SNTG2: variants seen among roughly 807,000 people sequenced by gnomAD.
SNTG2 encodes gamma-2-syntrophin.
A neutral mutation model predicts 70.9 loss-of-function variants in SNTG2; 74 were observed. That is an observed-to-expected ratio of 1.04 (90% confidence interval 0.86 to 1.27). The LOEUF is 1.27. Among genes scored for constraint, SNTG2 ranks in the 50% most tolerant of loss-of-function variants. The pLI is 0.00. For synonymous variants in SNTG2, 278 were observed against 273.8 expected, an observed-to-expected ratio of 1.02 and a Z score of -0.15; for missense variants, 717 against 690.7, an observed-to-expected ratio of 1.04 and a Z score of -0.43.
At chr2:1,330,162 A>C (rs1289985227) in intron 16 of SNTG2, among the ~76,000 whole-genome samples, 1 of 152,210 alleles carries the variant, frequency 6.6e-6, no homozygotes, top group Non-Finnish European at 1.5e-5. Flanking sequence ...TCAGCTCAAC[A>C]ATTCTCAGTG....
chr2:1,223,451 T>C (rs575970833), intron 9 of SNTG2, among the ~76,000 whole-genome samples: 1 of 151,968 alleles, frequency 6.6e-6, no homozygotes, highest in East Asian at 1.9e-4. Context: ...ACTGATCTTG[T>C]GTCTCTGCCA....
chr2:1,007,623 T>TA (rs113164134), intron 1 of SNTG2, among the ~76,000 whole-genome samples: 13,672 of 152,214 alleles, frequency 0.09, 814 homozygotes, highest in South Asian at 0.21. Context: ...CTGCTTCTCT[T>TA]AAACGATTTC....
chr2:1,197,554 T>TAC (rs60947657), intron 8 of SNTG2, among the ~76,000 whole-genome samples: 1 of 149,784 alleles, frequency 6.7e-6, no homozygotes, highest in Non-Finnish European at 1.5e-5. Flanking sequence ...TGTGTGTATA[T>TAC]TTGATACAGG....
chr2:989,498 G>A (rs957788341), intron 1 of SNTG2, among the ~76,000 whole-genome samples: 5 of 152,166 alleles, frequency 3.3e-5, no homozygotes, highest in African/African-American at 2.4e-5. Flanking sequence ...CTGATATGGT[G>A]TATCACATTG....
At chr2:1,365,967 C>T (rs1421736004) in intron 16 of SNTG2, among the ~76,000 whole-genome samples, 2 of 152,144 alleles carry the variant, frequency 1.3e-5, no homozygotes, top group Admixed American at 1.3e-4. Flanking sequence ...TTCTCCACCC[C>T]CTCATTCTGC....
At chr2:1,060,055 A>G (rs879543693) in intron 1 of SNTG2, among the ~76,000 whole-genome samples, 4 of 152,192 alleles carry the variant, frequency 2.6e-5, no homozygotes, top group Non-Finnish European at 5.9e-5. Context: ...TTTTATCCCT[A>G]CCTTACATCA....
rs141432009 is a variant in SNTG2, at chr2:1,309,066, TTG to T, written c.1377+483_1377+484del. Among the ~76,000 whole-genome samples the T allele has an allele frequency of 2.8e-3, 420 of 152,300 alleles. 10 individuals carry two copies. In the East Asian group the frequency reaches 0.069, roughly 25 times the overall value. ...ACTACGTAAGTGTTAAGGAAATGCT[TTG>T]TGAGGACAATCCACTGTTTTGTCAT... is the stretch of plus-strand genomic sequence containing the variant. On this transcript the variant is annotated intron_variant, in intron 15 of 16. Transcript: ENST00000308624.
chr2:1,121,457 T>C (rs1416588583), intron 4 of SNTG2, among the ~76,000 whole-genome samples: 3 of 147,854 alleles, frequency 2.0e-5, no homozygotes, highest in Non-Finnish European at 4.5e-5. Flanking sequence ...AAACTAAGAA[T>C]TGTTTTTAAA....
intron 15 of SNTG2, among the ~76,000 whole-genome samples, chr2:1,310,006 T>C (rs1680901238): frequency 6.6e-6 from 1 of 152,146 alleles, no homozygotes; most frequent in Non-Finnish European, 1.5e-5. Context: ...ATAAGGGAGG[T>C]AATGAAGCAA....
intron 8 of SNTG2, among the ~76,000 whole-genome samples, chr2:1,182,779 G>T (rs976532269): frequency 1.3e-5 from 2 of 152,112 alleles, no homozygotes; most frequent in Non-Finnish European, 2.9e-5. Flanking sequence ...TTGAGACAGG[G>T]TCTCCCACTG....
At chr2:1,134,753 G>A (rs1668259074) in intron 4 of SNTG2, among the ~76,000 whole-genome samples, 1 of 152,192 alleles carries the variant, frequency 6.6e-6, no homozygotes. Flanking sequence ...TGGTTGATGG[G>A]ACTGGGCACG....
At chr2:1,215,721 C>T (rs1244922466) in intron 9 of SNTG2, among the ~76,000 whole-genome samples, 1 of 140,422 alleles carries the variant, frequency 7.1e-6, no homozygotes, top group Non-Finnish European at 1.5e-5. Context: ...AACCCCATGA[C>T]AGGCCCTGGT....
intron 6 of SNTG2, among the ~76,000 whole-genome samples, chr2:1,143,429 A>G (rs1016519965): frequency 2.0e-5 from 3 of 151,934 alleles, no homozygotes; most frequent in African/African-American, 7.3e-5. Context: ...CCCTTATCCA[A>G]CACTAAACTC....
At chr2:1,346,214 G>A (rs951577096) in intron 16 of SNTG2, among the ~76,000 whole-genome samples, 19 of 102,966 alleles carry the variant, frequency 1.8e-4, no homozygotes, top group Middle Eastern at 8.1e-3. Context: ...GAGTGGACTG[G>A]CACTTTTCCC....
intron 13 of SNTG2, among the ~76,000 whole-genome samples, chr2:1,262,573 C>G (rs910123527): frequency 8.2e-6 from 1 of 122,410 alleles, no homozygotes; most frequent in Non-Finnish European, 1.6e-5. Flanking sequence ...GGGAAGAAGC[C>G]GGGTCAAGTC....
rs4971455 is a variant in SNTG2 at position 1,113,110 on chromosome 2, G to T, written c.325+14700G>T. On this transcript the variant is annotated intron_variant, in intron 4 of 16. Transcript: ENST00000308624. ...CTTACAGTCCTTTGAGAAGGATCGT[G>T]TGTACTAAGTGAGGTTTAACCCTTA... 7.4e-3 allele frequency among the ~76,000 whole-genome samples: 28 copies of T among 3,768 alleles called. No homozygotes were observed. The South Asian group carries it at 0.076, about 10-fold the overall frequency. 2.5% of individuals were successfully genotyped at this position (3,768 alleles called of 152,430 possible). A position where few individuals can be genotyped will look rare whatever the true frequency, so the allele number is the denominator to read the frequency against.
chr2:1,094,969 G>A lies in SNTG2; in HGVS notation c.211-3227G>A, dbSNP rs112271197. The stretch of plus-strand genomic sequence containing the variant: ...AGGCCTTATAGGTGTGTCCTCATAT[G>A]GTAGAGTTACTGGCAAGGGCCAGCT... On this transcript the variant is annotated intron_variant, in intron 2 of 16. Transcript: ENST00000308624. Among the ~76,000 whole-genome samples the A allele has an allele frequency of 7.5e-4, 108 of 143,830 alleles. No individual in the cohort carries two copies. In the Middle Eastern group the frequency reaches 0.011, roughly 15 times the overall value. 94.4% of individuals were successfully genotyped at this position (143,830 alleles called of 152,430 possible). A position where few individuals can be genotyped will look rare whatever the true frequency, so the allele number is the denominator to read the frequency against.
At chr2:1,069,773 G>C (rs969815554) in intron 1 of SNTG2, among the ~76,000 whole-genome samples, 1 of 152,094 alleles carries the variant, frequency 6.6e-6, no homozygotes, top group Admixed American at 6.5e-5. Context: ...CCTGGCGACA[G>C]AGCAAGACTC....
chr2:1,047,295 T>C (rs1661794228), intron 1 of SNTG2, among the ~76,000 whole-genome samples: 1 of 152,254 alleles, frequency 6.6e-6, no homozygotes, highest in Non-Finnish European at 1.5e-5. Flanking sequence ...TTCAACTTTG[T>C]CCTGAATCCT....
Sources: gnomAD v4.1 joint callset for allele counts (sites outside exome capture counted in the v4.1 genomes callset) on GRCh38, gnomAD v4.1.1 for gene constraint, MANE v1.5 for transcripts, NCBI Gene and HGNC (gene_info 2026-07-23, HGNC 2026-07-21) for gene names.